TRAF3IP2: variants seen among roughly 807,000 people sequenced by gnomAD.
TRAF3IP2 encodes the protein TRAF3 interacting protein 2.
Under a neutral mutation model 57.9 loss-of-function variants are expected in TRAF3IP2, and 35 were observed. That is an observed-to-expected ratio of 0.60 (90% CI 0.46 to 0.80). The LOEUF is 0.80. TRAF3IP2 is among the 30% of genes least tolerant of loss of function. The probability of loss-of-function intolerance (pLI) is 0.00; values close to 1 mark genes in which losing one functional copy is unlikely to be tolerated. For missense variants in TRAF3IP2, 556 were observed against 706.4 expected (o/e 0.79, Z 2.41); for synonymous variants, 251 against 268.9 (o/e 0.93, Z 0.65).
chr6:111,557,273 C>G lies in TRAF3IP2; in HGVS notation c.*2132G>C, dbSNP rs1795270125. ...TAGTAGCTTGGGCCATAATTAAAGC[C>G]ATCCCACCTTTATAGTTTACGTAGA... On this transcript the variant is annotated 3_prime_UTR_variant, in exon 9 of 9. Coordinates refer to ENST00000368761, the MANE Select transcript of TRAF3IP2 (RefSeq NM_147686.4). 1 of 152,124 alleles carries G rather than the reference C, an allele frequency of 6.6e-6. No individual in the cohort carries two copies. The allele number at this position is 152,124 out of a possible 1,614,324, so 9.4% of individuals were successfully genotyped here. A position where few individuals can be genotyped will look rare whatever the true frequency, so the allele number is the denominator to read the frequency against.
intron 6 of TRAF3IP2, chr6:111,567,051 C>G: frequency 2.7e-6 from 1 of 375,508 alleles, no homozygotes; most frequent in South Asian, 8.3e-5. Flanking sequence ...GTGCAACACC[C>G]CAGCCTGCTG....
Position 111,591,528 on chromosome 6 carries a change from G to T in TRAF3IP2, c.559C>A (p.Arg187=), listed in dbSNP as rs762395569. 1 of 1,613,956 alleles carries T rather than the reference G, an allele frequency of 6.2e-7. No homozygotes were observed. The highest frequency in any genetic ancestry group is 8.5e-7 in the Non-Finnish European group (1 of 1,179,950). The stretch of plus-strand genomic sequence containing the variant: ...ATGGTTGGCAGATCCAGGCCTGCTC[G>T]GTTCCTGTGAGGCTGGGGCCGTTGC... ...MVQRPQPHRN[R]AGLDLPTIDT... Residue 187 remains arginine (R), a synonymous_variant, in exon 2 of 9, where the codon CGA becomes AGA. Coordinates refer to ENST00000368761, the MANE Select transcript of TRAF3IP2 (RefSeq NM_147686.4). The surrounding 1 kb of genome is among the most constrained non-coding windows in gnomAD (Gnocchi z 4.9).
rs569782440 is a variant in TRAF3IP2, at chr6:111,603,956, G to A, written c.-9+1820C>T. Among the ~76,000 whole-genome samples, 7 of 152,318 alleles carry A rather than the reference G, an allele frequency of 4.6e-5. No homozygotes were observed. The South Asian group carries it at 8.3e-4, about 18-fold the overall frequency. ...GTGTGTGGCCTTTAAGGATTAGAGCGAGGCTGGCAAGTGCACAACAGTTAG... is the reference window on the plus strand; with the variant it reads ...GTGTGTGGCCTTTAAGGATTAGAGCAAGGCTGGCAAGTGCACAACAGTTAG... On this transcript the variant is annotated intron_variant, in intron 1 of 8. Coordinates refer to ENST00000368761, the MANE Select transcript of TRAF3IP2 (RefSeq NM_147686.4).
At chr6:111,580,532 G>GTT in intron 2 of TRAF3IP2, 143 bp from the exon 3 acceptor site, 1 of 604,230 alleles carries the variant, frequency 1.7e-6, no homozygotes, top group Middle Eastern at 4.9e-4. Flanking sequence ...GATGTTTGCC[G>GTT]TATTTCTCTA....
chr6:111,575,411 AC>A (rs1273224203), intron 4 of TRAF3IP2, among the ~76,000 whole-genome samples: 2 of 150,282 alleles, frequency 1.3e-5, no homozygotes, highest in Non-Finnish European at 3.0e-5. Flanking sequence ...ACATGGGGAA[AC>A]CCCGTCTCTA....
chr6:111,569,043 C>G (rs931330445), intron 5 of TRAF3IP2, among the ~76,000 whole-genome samples: 5 of 152,192 alleles, frequency 3.3e-5, no homozygotes. Flanking sequence ...CCTGTGTATA[C>G]CGAACTATCA....
rs1224588292 is a variant in TRAF3IP2, at chr6:111,591,742, C to T, written c.345G>A (p.Glu115=). The T allele has an allele frequency of 1.2e-6, 2 of 1,614,246 alleles. No individual in the cohort carries two copies. The highest frequency in any genetic ancestry group is 8.5e-7 in the Non-Finnish European group (1 of 1,180,050). The part of the protein sequence containing the change: ...AFPSGCSAVS[E]PASESVVGAL... ...CTCCAACCACAGACTCAGACGCAGG[C>T]TCGCTGACTGCAGAGCACCCAGAAG... is the stretch of plus-strand genomic sequence containing the variant. Residue 115 remains glutamate (E), a synonymous_variant, in exon 2 of 9, where the codon GAG becomes GAA. Transcript: ENST00000368761. This position sits in a 1 kb window ranked among gnomAD's most constrained non-coding sequence, Gnocchi z 4.9.
chr6:111,593,873 G>A (rs1177602986), intron 1 of TRAF3IP2, among the ~76,000 whole-genome samples: 1 of 152,224 alleles, frequency 6.6e-6, no homozygotes, highest in African/African-American at 2.4e-5. Flanking sequence ...GCTCGGGCCT[G>A]TAATCCCAGC....
Position 111,580,213 on chromosome 6 carries a change from C to G in TRAF3IP2, c.1006G>C (p.Gly336Arg). 6.2e-7 allele frequency: 1 copy of G among 1,614,086 alleles called. No individual in the cohort carries two copies. Among genetic ancestry groups the G allele is most frequent in the South Asian group, 1.1e-5 (1 of 91,074 alleles). The change falls in exon 3 of 9, where the codon GGG (glycine) becomes CGG (arginine). Residue 336 changes from glycine (G) to arginine (R), a missense_variant. By Grantham distance (125) the Gly-to-Arg change is moderately radical (BLOSUM62 -2). Around this residue, in one of 2 missense-constraint regions of TRAF3IP2, gnomAD observed 428 missense variants for 498.7 expected, o/e 0.86. Transcript: ENST00000368761. Reference protein sequence around the residue: ...RPAQRDCSFPGLPRHQDQPHH... With the variant: ...RPAQRDCSFPRLPRHQDQPHH... ...CATACTTACTGGTGCCTTGGAAGCC[C>G]CGGAAAGGAGCAGTCTCTCTGTGCG...
intron 1 of TRAF3IP2, among the ~76,000 whole-genome samples, chr6:111,595,652 A>AC (rs1196774878): frequency 1.3e-5 from 2 of 151,554 alleles, no homozygotes; most frequent in Non-Finnish European, 3.0e-5. Flanking sequence ...ACATGGTGAA[A>AC]CCCCGCCTCT....
chr6:111,567,778 T>C, intron 5 of TRAF3IP2, 86 bp from the exon 6 acceptor site: 1 of 1,030,312 alleles, frequency 9.7e-7, no homozygotes, highest in East Asian at 2.8e-5. Context: ...ACTATATACA[T>C]TTAAAGCTCC....
chr6:111,567,334 C>T (rs1795685862), intron 6 of TRAF3IP2: 1 of 1,143,948 alleles, frequency 8.7e-7, no homozygotes, highest in Non-Finnish European at 1.1e-6. Context: ...TCTCCCCACT[C>T]TCCGCCTTCA....
intron 2 of TRAF3IP2, among the ~76,000 whole-genome samples, chr6:111,583,280 AATCT>A (rs1796219783): frequency 6.6e-6 from 1 of 152,214 alleles, no homozygotes; most frequent in African/African-American, 2.4e-5. Context: ...AGGACTGCAC[AATCT>A]ATTAATACTT....
intron 2 of TRAF3IP2, among the ~76,000 whole-genome samples, chr6:111,583,713 A>G (rs1270912531): frequency 6.6e-6 from 1 of 152,232 alleles, no homozygotes; most frequent in Middle Eastern, 3.2e-3. Flanking sequence ...ATAGAAATAA[A>G]GTGCACAATA....
Position 111,555,770 on chromosome 6 carries a change from G to A in TRAF3IP2, c.*3635C>T, listed in dbSNP as rs1795216851. Among the ~76,000 whole-genome samples, 1 of 152,162 alleles carries A rather than the reference G, an allele frequency of 6.6e-6. No homozygotes were observed. The highest frequency in any genetic ancestry group is 6.5e-5 in the Admixed American group (1 of 15,274). On this transcript the variant is annotated 3_prime_UTR_variant, in exon 9 of 9. Coordinates refer to ENST00000368761, the MANE Select transcript of TRAF3IP2 (RefSeq NM_147686.4). ...CCAGCATAACATCTAAATCAACCGA[G>A]TGTTAATCTTATTGTCAGTGCTCTC... is the stretch of plus-strand genomic sequence containing the variant.
At chr6:111,577,978 GC>G (rs766752601) in intron 3 of TRAF3IP2, among the ~76,000 whole-genome samples, 66 of 152,244 alleles carry the variant, frequency 4.3e-4, no homozygotes, top group Non-Finnish European at 7.9e-4. Context: ...CTCCCAAAGT[GC>G]TGGGATTACA....
chr6:111,604,802 G>C (rs184115843), intron 1 of TRAF3IP2, among the ~76,000 whole-genome samples: 3 of 152,236 alleles, frequency 2.0e-5, no homozygotes, highest in Admixed American at 2.0e-4. Context: ...GTAACCAACT[G>C]GTAGTGGGAG....
At chr6:111,563,501 G>T (rs1272578371) in intron 7 of TRAF3IP2, among the ~76,000 whole-genome samples, 3 of 152,220 alleles carry the variant, frequency 2.0e-5, no homozygotes, top group Non-Finnish European at 4.4e-5. Context: ...CAGCAGTCTA[G>T]TGAGCAGGCA....
At chr6:111,568,371 T>C (rs1246992352) in intron 5 of TRAF3IP2, among the ~76,000 whole-genome samples, 1 of 150,390 alleles carries the variant, frequency 6.6e-6, no homozygotes, top group African/African-American at 2.4e-5. Context: ...AGATCAGTTA[T>C]TTTTTATTTT....
Sources: allele counts gnomAD v4.1 joint callset (sites outside exome capture counted in the v4.1 genomes callset), GRCh38; gene constraint gnomAD v4.1.1; regional missense constraint gnomAD v4.1.1; non-coding constraint Gnocchi (gnomAD v3.1); transcripts MANE v1.5; gene names NCBI Gene and HGNC (gene_info 2026-07-23, HGNC 2026-07-21).